The following PRKG1 variants were observed in gnomAD, a reference collection of about 807,000 sequenced individuals.
PRKG1 encodes the protein protein kinase cGMP-dependent 1, also known as cGMP-dependent protein kinase 1.
In PRKG1, 35 loss-of-function variants were observed where a neutral mutation model predicts 88.1. The ratio of observed to expected loss-of-function variants is 0.40; its 90% confidence interval spans 0.30 to 0.53. PRKG1 has a LOEUF of 0.53. Among genes scored for constraint, PRKG1 ranks in the 20% least tolerant of loss-of-function variants. The pLI is 0.59. For missense variants in PRKG1, 540 were observed against 839.8 expected (o/e 0.64, Z 4.41); for synonymous variants, 303 against 292.5 (o/e 1.04, Z -0.37).
intron 10 of PRKG1, among the ~76,000 whole-genome samples, chr10:52,267,418 C>T (rs757597293): frequency 4.6e-5 from 7 of 151,906 alleles, no homozygotes; most frequent in Non-Finnish European, 1.0e-4. Context: ...TAATAAATAG[C>T]TATTACAATT....
chr10:51,987,239 G>T (rs1032064013), intron 5 of PRKG1, among the ~76,000 whole-genome samples: 1 of 151,768 alleles, frequency 6.6e-6, no homozygotes, highest in Admixed American at 6.6e-5. Context: ...AAAGTCTCTG[G>T]GTACATATGT....
intron 9 of PRKG1, among the ~76,000 whole-genome samples, chr10:52,207,603 A>G (rs1839855147): frequency 6.6e-6 from 1 of 152,140 alleles, no homozygotes; most frequent in African/African-American, 2.4e-5. Context: ...GAAGCTCCAC[A>G]TAGGCTGAAG....
At chr10:52,284,850 G>A (rs2132453667) in intron 14 of PRKG1, among the ~76,000 whole-genome samples, 1 of 152,214 alleles carries the variant, frequency 6.6e-6, no homozygotes, top group Admixed American at 6.6e-5. Context: ...AGCAGGGAGT[G>A]AAAAGGGGGA....
intron 3 of PRKG1, among the ~76,000 whole-genome samples, chr10:51,519,648 C>A (rs1032988448): frequency 6.6e-6 from 1 of 152,126 alleles, no homozygotes; most frequent in South Asian, 2.1e-4. Context: ...TAACTTGAAT[C>A]CTGAGGCATC....
intron 1 of PRKG1, among the ~76,000 whole-genome samples, chr10:51,038,469 T>G (rs1843380905): frequency 6.6e-6 from 1 of 152,198 alleles, no homozygotes; most frequent in East Asian, 1.9e-4. Flanking sequence ...CCCCATTTCT[T>G]ACCCATCTCC....
At chr10:52,034,558 T>G (rs565114107) in intron 5 of PRKG1, among the ~76,000 whole-genome samples, 5 of 151,850 alleles carry the variant, frequency 3.3e-5, no homozygotes, top group African/African-American at 1.2e-4. Flanking sequence ...GATATCTGAT[T>G]AGAGAGTGCC....
intron 3 of PRKG1, among the ~76,000 whole-genome samples, chr10:51,742,883 G>A (rs1360654990): frequency 6.6e-6 from 1 of 152,096 alleles, no homozygotes; most frequent in East Asian, 1.9e-4. Context: ...CCCTTCAGGA[G>A]GTGGGGGGCA....
chr10:51,955,686 T>C (rs1843286587), intron 5 of PRKG1, among the ~76,000 whole-genome samples: 1 of 152,172 alleles, frequency 6.6e-6, no homozygotes, highest in South Asian at 2.1e-4. Flanking sequence ...TTTTCTGCAT[T>C]ATTCATGTTC....
chr10:52,182,957 C>A (rs1372366866), intron 9 of PRKG1, among the ~76,000 whole-genome samples: 1 of 151,972 alleles, frequency 6.6e-6, no homozygotes, highest in African/African-American at 2.4e-5. Context: ...TTTACTCATG[C>A]TGGAAAGTAA....
chr10:52,010,109 A>G (rs1844842868), intron 5 of PRKG1, among the ~76,000 whole-genome samples: 1 of 152,172 alleles, frequency 6.6e-6, no homozygotes, highest in Admixed American at 6.6e-5. Context: ...GGACAAAAGA[A>G]TGGGCAAAGA....
chr10:51,678,088 A>G (rs1293857996), intron 3 of PRKG1, among the ~76,000 whole-genome samples: 1 of 152,154 alleles, frequency 6.6e-6, no homozygotes, highest in Non-Finnish European at 1.5e-5. Flanking sequence ...TAGAAAATGA[A>G]GAGCTGAGTG....
chr10:52,159,819 G>A (rs967640697), intron 8 of PRKG1, among the ~76,000 whole-genome samples: 3 of 151,718 alleles, frequency 2.0e-5, no homozygotes, highest in African/African-American at 4.8e-5. Flanking sequence ...AGTTTTAAAT[G>A]CCTAATAACA....
At position 51,498,189 on chromosome 10, in the gene PRKG1, A is replaced by AT. The variant is rs1840915271; in HGVS notation, c.592+30356dup. ...TGATTAAGGATATGTGAAGTTCATA[A>AT]TTTAGTAACTTCCTAATTTAATAAG... is the stretch of plus-strand genomic sequence containing the variant. On this transcript the variant is annotated intron_variant, in intron 3 of 17. Transcript: ENST00000373980. 2.0e-5 allele frequency among the ~76,000 whole-genome samples: 3 copies of AT among 152,318 alleles called. No individual in the cohort carries two copies. In the South Asian group the frequency reaches 6.2e-4, roughly 32 times the overall value.
intron 4 of PRKG1, among the ~76,000 whole-genome samples, chr10:51,822,464 A>C (rs1281113595): frequency 6.6e-6 from 1 of 152,036 alleles, no homozygotes; most frequent in Non-Finnish European, 1.5e-5. Context: ...TAAATGAAGA[A>C]AAAAAAGGTA....
At chr10:52,033,111 C>T (rs907491751) in intron 5 of PRKG1, among the ~76,000 whole-genome samples, 2 of 152,166 alleles carry the variant, frequency 1.3e-5, no homozygotes, top group African/African-American at 2.4e-5. Flanking sequence ...ACTAATATTA[C>T]TTGGGATGGA....
chr10:51,832,955 A>G (rs767804622), intron 4 of PRKG1, among the ~76,000 whole-genome samples: 2 of 152,174 alleles, frequency 1.3e-5, no homozygotes, highest in Non-Finnish European at 2.9e-5. Flanking sequence ...TGTGATATGA[A>G]TAAATCTTGC....
intron 4 of PRKG1, among the ~76,000 whole-genome samples, chr10:51,841,740 T>C (rs1428664188): frequency 2.0e-5 from 3 of 152,150 alleles, no homozygotes; most frequent in Non-Finnish European, 4.4e-5. Context: ...TGGAGTGCAG[T>C]GGCGCGATTT....
At chr10:51,336,177 AC>A (rs1282971953) in intron 2 of PRKG1, among the ~76,000 whole-genome samples, 1 of 151,784 alleles carries the variant, frequency 6.6e-6, no homozygotes. Flanking sequence ...ACATGGAGAA[AC>A]CCCATCTCTA....
chr10:50,991,344 C>T lies in PRKG1; in HGVS notation c.-35C>T. 2.1e-6 allele frequency: 3 copies of T among 1,411,422 alleles called. No homozygotes were observed. The allele number at this position is 1,411,422 out of a possible 1,614,324, so 87.4% of individuals were successfully genotyped here. ...CGCCGCCGCCGCCGCCGCCGCCGCC[C>T]GAGAAAAAGTTTCGCGGAGGGGCTC... On this transcript the variant is annotated 5_prime_UTR_variant, in exon 1 of 18. Transcript: ENST00000401604. The surrounding 1 kb of genome is among the most constrained non-coding windows in gnomAD (Gnocchi z 4.5).
Sources: gnomAD v4.1 joint callset for allele counts (sites outside exome capture counted in the v4.1 genomes callset) on GRCh38, gnomAD v4.1.1 for gene constraint, Gnocchi (gnomAD v3.1) non-coding constraint, MANE v1.5 for transcripts, NCBI Gene and HGNC (gene_info 2026-07-23, HGNC 2026-07-21) for gene names.